Variants in COL8A1 observed in about 807,000 individuals in gnomAD.
COL8A1 encodes collagen type VIII alpha 1 chain, also known as collagen alpha-1(VIII) chain.
In COL8A1, 21 loss-of-function variants were observed where a neutral mutation model predicts 42.7. The observed-to-expected ratio is 0.49, with a 90% confidence interval of 0.35 to 0.71. COL8A1 has a LOEUF of 0.71. Among genes scored for constraint, COL8A1 ranks in the 30% least tolerant of loss-of-function variants. The pLI is 0.01. For missense variants in COL8A1, 788 were observed against 962.4 expected (o/e 0.82, Z 2.40); for synonymous variants, 367 against 369.1 (o/e 0.99, Z 0.06).
At chr3:99,758,870 T>G (rs1252975309) in intron 2 of COL8A1, among the ~76,000 whole-genome samples, 1 of 152,110 alleles carries the variant, frequency 6.6e-6, no homozygotes, top group African/African-American at 2.4e-5. Context: ...TTCAAAACAA[T>G]TAGCCTTTAT....
chr3:99,716,357 C>A (rs1488326643), intron 1 of COL8A1, among the ~76,000 whole-genome samples: 1 of 152,166 alleles, frequency 6.6e-6, no homozygotes, highest in Non-Finnish European at 1.5e-5. Flanking sequence ...GCATCTTAAA[C>A]ATCGAGGCAG....
intron 1 of COL8A1, among the ~76,000 whole-genome samples, chr3:99,647,273 C>T (rs1360656744): frequency 6.6e-6 from 1 of 152,116 alleles, no homozygotes; most frequent in African/African-American, 2.4e-5. Flanking sequence ...CTTCCTGCAG[C>T]ATTATTTCAA....
chr3:99,720,880 G>C (rs1364436847), intron 1 of COL8A1, among the ~76,000 whole-genome samples: 2 of 152,214 alleles, frequency 1.3e-5, no homozygotes, highest in Admixed American at 1.3e-4. Flanking sequence ...GGATGGTGAG[G>C]AGTTTCTGAG....
intron 1 of COL8A1, among the ~76,000 whole-genome samples, chr3:99,700,942 C>T (rs979258877): frequency 6.6e-6 from 1 of 152,174 alleles, no homozygotes; most frequent in African/African-American, 2.4e-5. Flanking sequence ...CTAGTAGCTT[C>T]CCACGTATAG....
chr3:99,698,602 T>C (rs1044066208), intron 1 of COL8A1, among the ~76,000 whole-genome samples: 4 of 152,236 alleles, frequency 2.6e-5, no homozygotes, highest in Non-Finnish European at 4.4e-5. Context: ...AATTTCCTTA[T>C]GTTCTAGTTG....
intron 2 of COL8A1, among the ~76,000 whole-genome samples, chr3:99,776,519 C>T (rs1319858184): frequency 1.3e-5 from 2 of 152,100 alleles, no homozygotes; most frequent in Non-Finnish European, 2.9e-5. Context: ...CCCCAAACTT[C>T]ACTGAATGTC....
chr3:99,731,080 A>T (rs1940493077), intron 1 of COL8A1, among the ~76,000 whole-genome samples: 1 of 152,140 alleles, frequency 6.6e-6, no homozygotes, highest in African/African-American at 2.4e-5. Context: ...AAGATGTTAC[A>T]GTACACAAAG....
At chr3:99,739,947 T>A (rs1940851445) in intron 1 of COL8A1, among the ~76,000 whole-genome samples, 2 of 152,204 alleles carry the variant, frequency 1.3e-5, no homozygotes, top group African/African-American at 4.8e-5. Context: ...CTCTGCTTCC[T>A]CTTGAACACT....
intron 1 of COL8A1, among the ~76,000 whole-genome samples, chr3:99,738,628 G>T (rs1940804568): frequency 6.6e-6 from 1 of 152,232 alleles, no homozygotes; most frequent in Non-Finnish European, 1.5e-5. Context: ...TCTCTTTAAA[G>T]CTGTCAGACA....
intron 2 of COL8A1, among the ~76,000 whole-genome samples, chr3:99,750,636 G>A (rs1009673782): frequency 6.6e-6 from 1 of 152,076 alleles, no homozygotes; most frequent in Non-Finnish European, 1.5e-5. Context: ...AAATGTAATA[G>A]GTTCTTCCTT....
chr3:99,671,726 T>C (rs921097179), intron 1 of COL8A1, among the ~76,000 whole-genome samples: 1 of 152,150 alleles, frequency 6.6e-6, no homozygotes, highest in South Asian at 2.1e-4. Flanking sequence ...GGTGGGAATG[T>C]AAATTGGTAC....
intron 1 of COL8A1, among the ~76,000 whole-genome samples, chr3:99,655,530 C>T (rs780171813): frequency 3.0e-4 from 46 of 152,172 alleles, no homozygotes; most frequent in South Asian, 6.2e-4. Flanking sequence ...ATTCAGTAAA[C>T]GCTCATTGGG....
chr3:99,744,152 A>C (rs983496143), intron 1 of COL8A1, among the ~76,000 whole-genome samples: 4 of 152,000 alleles, frequency 2.6e-5, no homozygotes, highest in African/African-American at 9.7e-5. Context: ...GGATGGTCTC[A>C]ATCTCCTGAC....
intron 1 of COL8A1, among the ~76,000 whole-genome samples, chr3:99,666,191 G>A (rs1280772383): frequency 2.6e-5 from 4 of 152,114 alleles, no homozygotes; most frequent in Non-Finnish European, 5.9e-5. Context: ...CTTCCAAGGT[G>A]CTCTAATCAT....
intron 1 of COL8A1, among the ~76,000 whole-genome samples, chr3:99,722,395 A>G (rs1193552977): frequency 6.6e-6 from 1 of 152,150 alleles, no homozygotes; most frequent in Non-Finnish European, 1.5e-5. Flanking sequence ...AAAACCCACC[A>G]AGCTGTAAAC....
intron 1 of COL8A1, among the ~76,000 whole-genome samples, chr3:99,725,067 T>A (rs922650404): frequency 1.3e-5 from 2 of 152,088 alleles, no homozygotes; most frequent in Non-Finnish European, 2.9e-5. Flanking sequence ...ATGTAAGACA[T>A]CCTCAATAAA....
At chr3:99,697,057 G>A (rs1289341388) in intron 1 of COL8A1, among the ~76,000 whole-genome samples, 1 of 135,708 alleles carries the variant, frequency 7.4e-6, no homozygotes, top group African/African-American at 2.7e-5. Context: ...CGGGATCTCG[G>A]CTCACTGCAA....
chr3:99,671,883 A>G (rs1938556799), intron 1 of COL8A1, among the ~76,000 whole-genome samples: 3 of 152,090 alleles, frequency 2.0e-5, no homozygotes, highest in African/African-American at 4.8e-5. Flanking sequence ...TCATTACAGA[A>G]TAACTCAAAC....
chr3:99,646,833 C>T lies in COL8A1; in HGVS notation c.-129+8169C>T, dbSNP rs73150250. On this transcript the variant is annotated intron_variant, in intron 1 of 3. Coordinates refer to ENST00000652472, the MANE Select transcript of COL8A1 (RefSeq NM_020351.4). The stretch of plus-strand genomic sequence containing the variant: ...GAGTCTTAAAAGGCTTATATTCTTA[C>T]CAATCTGTATTTTGAGACCAGCCAA... Among the ~76,000 whole-genome samples, 1,073 of 152,286 alleles carry T rather than the reference C, an allele frequency of 7.0e-3. 6 individuals are homozygous for T. The highest frequency in any genetic ancestry group is 0.011 in the Non-Finnish European group (774 of 68,010).
Sources: allele counts gnomAD v4.1 joint callset (sites outside exome capture counted in the v4.1 genomes callset), GRCh38; gene constraint gnomAD v4.1.1; transcripts MANE v1.5; gene names NCBI Gene and HGNC (gene_info 2026-07-23, HGNC 2026-07-21).